Variants in LRRTM4 observed in about 807,000 individuals in gnomAD.
LRRTM4 encodes leucine-rich repeat transmembrane neuronal protein 4.
A neutral mutation model predicts 47.6 loss-of-function variants in LRRTM4; 25 were observed. The observed-to-expected ratio is 0.53, with a 90% CI of 0.38 to 0.73. The LOEUF (loss-of-function observed/expected upper bound fraction) is 0.73. Among genes scored for constraint, LRRTM4 ranks in the 30% least tolerant of loss-of-function variants. The pLI is 0.00. For missense variants in LRRTM4, 638 were observed against 713.4 expected (o/e 0.89, Z 1.20); for synonymous variants, 311 against 269.5 (o/e 1.15, Z -1.51).
chr2:76,948,615 C>T (rs1010655809), intron 3 of LRRTM4, among the ~76,000 whole-genome samples: 4 of 151,622 alleles, frequency 2.6e-5, no homozygotes, highest in Non-Finnish European at 5.9e-5. Context: ...ACATCTAAAC[C>T]ACCAGAGATA....
intron 3 of LRRTM4, among the ~76,000 whole-genome samples, chr2:76,927,462 A>G (rs1674623503): frequency 6.6e-6 from 1 of 152,142 alleles, no homozygotes; most frequent in Admixed American, 6.6e-5. Flanking sequence ...AGCAGATGCC[A>G]TACATAAACA....
chr2:77,007,259 A>T (rs17406202), intron 3 of LRRTM4, among the ~76,000 whole-genome samples: 1 of 151,978 alleles, frequency 6.6e-6, no homozygotes, highest in African/African-American at 2.4e-5. Context: ...AAAGACTAAG[A>T]AGCACAGAGG....
chr2:77,486,118 T>G (rs1031550547), intron 3 of LRRTM4, among the ~76,000 whole-genome samples: 1 of 152,192 alleles, frequency 6.6e-6, no homozygotes, highest in Non-Finnish European at 1.5e-5. Flanking sequence ...TATCTATGCT[T>G]CTTCTACAAT....
intron 3 of LRRTM4, among the ~76,000 whole-genome samples, chr2:76,970,740 C>A (rs1354163455): frequency 6.6e-6 from 1 of 151,994 alleles, no homozygotes; most frequent in East Asian, 1.9e-4. Flanking sequence ...AATTAGATTT[C>A]TTTTCTACAA....
chr2:77,309,337 G>A (rs988925889), intron 3 of LRRTM4, among the ~76,000 whole-genome samples: 2 of 152,112 alleles, frequency 1.3e-5, no homozygotes, highest in Admixed American at 6.6e-5. Context: ...AATAAACTTC[G>A]TTGACCTTCT....
intron 3 of LRRTM4, among the ~76,000 whole-genome samples, chr2:77,015,375 C>T (rs1440850576): frequency 1.3e-5 from 2 of 152,060 alleles, no homozygotes; most frequent in East Asian, 1.9e-4. Flanking sequence ...CTTGCTCTGT[C>T]ACTCAGGCTA....
intron 3 of LRRTM4, among the ~76,000 whole-genome samples, chr2:77,329,687 C>T (rs575483436): frequency 1.3e-5 from 2 of 152,134 alleles, no homozygotes; most frequent in African/African-American, 4.8e-5. Context: ...CGCACATGGA[C>T]CACAAATGCC....
chr2:77,495,145 T>C (rs1290339064), intron 3 of LRRTM4, among the ~76,000 whole-genome samples: 5 of 152,110 alleles, frequency 3.3e-5, no homozygotes, highest in Non-Finnish European at 7.4e-5. Flanking sequence ...TATGCTTTTA[T>C]GTCCCTTGGT....
Position 76,807,941 on chromosome 2 carries a change from CTT to C in LRRTM4, c.1552-59027_1552-59026del, listed in dbSNP as rs1558668220. Among the ~76,000 whole-genome samples the C allele has an allele frequency of 2.3e-5, 3 of 133,262 alleles. No homozygotes were observed. In the East Asian group the frequency reaches 8.1e-4, roughly 36 times the overall value. The allele number at this position is 133,262 out of a possible 152,430, so 87.4% of individuals were successfully genotyped here. A position where few individuals can be genotyped will look rare whatever the true frequency, so the allele number is the denominator to read the frequency against. ...TTCCTTTCTTTCCTTTCCTTTCTTT[CTT>C]TCTTTCTTTCTTTTTCTTTTTCTTT... On this transcript the variant is annotated intron_variant, in intron 3 of 3. Transcript: ENST00000409884.
intron 3 of LRRTM4, among the ~76,000 whole-genome samples, chr2:77,438,339 G>T (rs1244065299): frequency 1.3e-5 from 2 of 149,418 alleles, no homozygotes; most frequent in African/African-American, 5.0e-5. Context: ...AAATAATAGT[G>T]TGTCTCAAAT....
intron 3 of LRRTM4, among the ~76,000 whole-genome samples, chr2:77,432,756 C>T (rs566925031): frequency 7.0e-4 from 106 of 152,282 alleles, no homozygotes; most frequent in African/African-American, 2.5e-3. Context: ...TACACAAACA[C>T]CCAAACTCAT....
chr2:76,965,953 G>A (rs1676009928), intron 3 of LRRTM4, among the ~76,000 whole-genome samples: 1 of 151,354 alleles, frequency 6.6e-6, no homozygotes, highest in Non-Finnish European at 1.5e-5. Flanking sequence ...ATTGGAGCCA[G>A]GTACTCACTG....
chr2:76,949,576 G>A lies in LRRTM4; in HGVS notation c.1552-200660C>T, dbSNP rs990686916. Among the ~76,000 whole-genome samples the A allele has an allele frequency of 5.3e-5, 8 of 152,002 alleles. No individual in the cohort carries two copies. The East Asian group carries it at 5.8e-4, about 11-fold the overall frequency. On this transcript the variant is annotated intron_variant, in intron 3 of 3. Coordinates refer to ENST00000409884, the MANE Select transcript of LRRTM4 (RefSeq NM_001134745.3). ...AGCTGTTGAAGGTGGCATGAAAAAC[G>A]TGCCAAAAATACTAGCAGAGAAATG...
intron 3 of LRRTM4, among the ~76,000 whole-genome samples, chr2:77,104,945 G>A (rs1017816838): frequency 6.6e-6 from 1 of 150,464 alleles, no homozygotes; most frequent in African/African-American, 2.4e-5. Context: ...CTACAAGATT[G>A]TTAAACATTT....
At chr2:76,993,210 T>C (rs1314114229) in intron 3 of LRRTM4, among the ~76,000 whole-genome samples, 2 of 151,834 alleles carry the variant, frequency 1.3e-5, no homozygotes, top group African/African-American at 4.8e-5. Context: ...CATCAGCTTT[T>C]GCAAATAATT....
chr2:77,146,223 T>C (rs1489524889), intron 3 of LRRTM4, among the ~76,000 whole-genome samples: 3 of 152,200 alleles, frequency 2.0e-5, no homozygotes, highest in Non-Finnish European at 2.9e-5. Flanking sequence ...TCTGTTACAA[T>C]TGAGAATGTA....
At chr2:77,520,508 G>A (rs1013177703) in intron 2 of LRRTM4, among the ~76,000 whole-genome samples, 6 of 152,074 alleles carry the variant, frequency 3.9e-5, no homozygotes, top group African/African-American at 1.4e-4. Context: ...TTGTTAATAA[G>A]CATAGATTAT....
chr2:76,805,219 A>G (rs1327912722), intron 3 of LRRTM4, among the ~76,000 whole-genome samples: 2 of 152,122 alleles, frequency 1.3e-5, no homozygotes, highest in Admixed American at 1.3e-4. Flanking sequence ...TTGTGGGAAA[A>G]AGCCCTAAAA....
intron 3 of LRRTM4, among the ~76,000 whole-genome samples, chr2:76,930,452 T>G (rs1674734606): frequency 1.3e-5 from 2 of 152,214 alleles, no homozygotes; most frequent in African/African-American, 4.8e-5. Flanking sequence ...TTGCACATAT[T>G]GGCTCTTTTG....
Sources: allele counts gnomAD v4.1 joint callset (sites outside exome capture counted in the v4.1 genomes callset), GRCh38; gene constraint gnomAD v4.1.1; transcripts MANE v1.5; gene names NCBI Gene and HGNC (gene_info 2026-07-23, HGNC 2026-07-21).